KIF15: variants seen among roughly 807,000 people sequenced by gnomAD.
KIF15 encodes the protein kinesin family member 15.
KIF15 carries 140 observed loss-of-function variants against 190.6 expected under a neutral mutation model. The ratio of observed to expected loss-of-function variants is 0.73; its 90% CI spans 0.64 to 0.84. The LOEUF (loss-of-function observed/expected upper bound fraction) is 0.84, where lower values mean the gene tolerates loss of function less well. Ranked by LOEUF, KIF15 falls within the 40% of genes least tolerant of loss-of-function variation. The pLI is 0.00. For missense variants in KIF15, 1,372 were observed against 1,584.4 expected (o/e 0.87, Z 2.28); for synonymous variants, 528 against 551.3 (o/e 0.96, Z 0.59).
At chr3:44,831,461 C>T (rs1156578332) in intron 26 of KIF15, among the ~76,000 whole-genome samples, 1 of 152,108 alleles carries the variant, frequency 6.6e-6, no homozygotes, top group African/African-American at 2.4e-5. Flanking sequence ...TATAACTGAC[C>T]CCTGTAAGGG....
chr3:44,793,268 G>A (rs1706807149), intron 7 of KIF15, among the ~76,000 whole-genome samples: 1 of 152,132 alleles, frequency 6.6e-6, no homozygotes, highest in Admixed American at 6.5e-5. Flanking sequence ...TGATTCCAGA[G>A]CCTGCATTCT....
chr3:44,762,530 T>G (rs1427921985), intron 1 of KIF15, among the ~76,000 whole-genome samples: 1 of 152,218 alleles, frequency 6.6e-6, no homozygotes, highest in Non-Finnish European at 1.5e-5. Context: ...GTGTACGTGC[T>G]CCACTTCTCA....
chr3:44,839,555 C>T (rs1012593723), intron 27 of KIF15, among the ~76,000 whole-genome samples: 2 of 151,902 alleles, frequency 1.3e-5, no homozygotes, highest in African/African-American at 2.4e-5. Context: ...GGGAAGAAAC[C>T]GCAATTACTT....
At chr3:44,812,341 A>G (rs770503172) in intron 18 of KIF15, 52 bp downstream of exon 18, 7 of 1,270,626 alleles carry the variant, frequency 5.5e-6, no homozygotes, top group Non-Finnish European at 8.0e-6. Flanking sequence ...CTCAAATGTT[A>G]CCTTGAGGAA....
At chr3:44,851,072 G>T (rs182966511) in intron 32 of KIF15, among the ~76,000 whole-genome samples, 1 of 152,300 alleles carries the variant, frequency 6.6e-6, no homozygotes, top group African/African-American at 2.4e-5. Context: ...AGACCAGCCT[G>T]GGCAACATAG....
At chr3:44,835,795 GT>G in intron 26 of KIF15, among the ~76,000 whole-genome samples, 1 of 152,292 alleles carries the variant, frequency 6.6e-6, no homozygotes, top group East Asian at 1.9e-4. Context: ...GAAAGAGTCG[GT>G]TTAATCAATG....
At chr3:44,793,882 C>CTTT (rs557589917) in intron 7 of KIF15, among the ~76,000 whole-genome samples, 3 of 132,378 alleles carry the variant, frequency 2.3e-5, no homozygotes, top group Non-Finnish European at 3.3e-5. Flanking sequence ...TTCTCTTTTC[C>CTTT]TTTTTTTTTT....
At position 44,831,013 on chromosome 3, in the gene KIF15, A is replaced by G. The variant is rs1559577581; in HGVS notation, c.3166A>G (p.Ile1056Val). 2 of 1,613,918 alleles carry G rather than the reference A, an allele frequency of 1.2e-6. No homozygotes were observed. The highest frequency in any genetic ancestry group is 1.1e-5 in the South Asian group (1 of 91,026). The change falls in exon 26 of 35, where the codon ATA becomes GTA. Residue 1056 changes from isoleucine (I) to valine (V), a missense_variant. Transcript: ENST00000326047. ...TLRLRILSED[I>V]ERDMLCEDLA... is the part of the protein sequence containing the mutation. ...TAGGCTGAGAATACTTTCTGAGGAC[A>G]TAGAGGTAGGTATTAACGCATCACA...
intron 20 of KIF15, among the ~76,000 whole-genome samples, chr3:44,821,521 C>T (rs1387475904): frequency 6.0e-5 from 9 of 150,414 alleles, no homozygotes; most frequent in Admixed American, 1.3e-4. Flanking sequence ...ACATCTCAGA[C>T]GATGAGTGGC....
intron 6 of KIF15, chr3:44,862,131 G>T (rs1699261878): frequency 2.5e-5 from 30 of 1,195,850 alleles, no homozygotes; most frequent in Non-Finnish European, 3.1e-5. Flanking sequence ...AGCCCGGGGC[G>T]CTGTTGGTGC....
intron 26 of KIF15, among the ~76,000 whole-genome samples, chr3:44,832,301 G>A (rs891929936): frequency 9.9e-5 from 15 of 151,822 alleles, no homozygotes; most frequent in African/African-American, 3.2e-4. Context: ...GAAGTGTCTT[G>A]AGGAACGTCA....
intron 13 of KIF15, among the ~76,000 whole-genome samples, chr3:44,802,327 A>G (rs192109136): frequency 4.3e-4 from 66 of 152,358 alleles, no homozygotes; most frequent in African/African-American, 1.4e-3. Flanking sequence ...TAGGTCATAC[A>G]GGTACATTGT....
chr3:44,779,260 T>C (rs1320097532), intron 4 of KIF15, among the ~76,000 whole-genome samples: 2 of 152,144 alleles, frequency 1.3e-5, no homozygotes, highest in African/African-American at 4.8e-5. Context: ...TCATCTTGTG[T>C]TTTCCCTGAC....
chr3:44,813,426 G>T (rs1707885347), intron 19 of KIF15, among the ~76,000 whole-genome samples: 1 of 151,958 alleles, frequency 6.6e-6, no homozygotes, highest in Non-Finnish European at 1.5e-5. Context: ...TTTGTTGTTT[G>T]TTTGTTTTTG....
chr3:44,867,466 G>A lies in KIF15; in HGVS notation c.*60-5863G>A, dbSNP rs533894919. ...CACCCAGCCAAGGCCAGACCTGAAG[G>A]CTGCTGATAGCTGGTGGTCGGCCTC... On this transcript the variant is annotated intron_variant and NMD_transcript_variant, in intron 6 of 6. Transcript: ENST00000422209. Among the ~76,000 whole-genome samples the A allele has an allele frequency of 1.1e-4, 17 of 152,356 alleles. No homozygotes were observed. In the South Asian group the frequency reaches 3.5e-3, roughly 32 times the overall value.
chr3:44,778,191 A>G lies in KIF15; in HGVS notation c.323A>G (p.Tyr108Cys). 1.2e-6 allele frequency: 2 copies of G among 1,611,168 alleles called. No individual in the cohort carries two copies. The highest frequency in any genetic ancestry group is 8.5e-7 in the Non-Finnish European group (1 of 1,177,266). The change falls in exon 4 of 35, where the codon TAT (tyrosine) becomes TGT (cysteine). Residue 108 changes from tyrosine to cysteine, a missense_variant and splice_region_variant. By Grantham distance (194) the Tyr-to-Cys change is radical. Transcript: ENST00000326047. ...MSGYNGTIFA[Y>C]GQTGSGKTFT... ...GGTTATAATGGTACCATCTTTGCAT[A>G]GTAAGTTGTTGACTGTGTCCTTATA...
At chr3:44,780,184 C>G (rs1706102626) in intron 4 of KIF15, among the ~76,000 whole-genome samples, 1 of 150,934 alleles carries the variant, frequency 6.6e-6, no homozygotes, top group Admixed American at 6.6e-5. Context: ...AACTCCTGGG[C>G]TCAAGCCATC....
intron 6 of KIF15, among the ~76,000 whole-genome samples, chr3:44,865,980 G>A (rs1207215372): frequency 6.6e-6 from 1 of 151,996 alleles, no homozygotes; most frequent in Non-Finnish European, 1.5e-5. Flanking sequence ...CTGCCACTCT[G>A]TTCCTCTAGC....
intron 7 of KIF15, among the ~76,000 whole-genome samples, chr3:44,791,409 A>G (rs1022744240): frequency 3.3e-5 from 5 of 151,996 alleles, no homozygotes; most frequent in Non-Finnish European, 4.4e-5. Flanking sequence ...GTCCTCCAAC[A>G]CTGTTCTTTT....
Sources: gnomAD v4.1 joint callset for allele counts (sites outside exome capture counted in the v4.1 genomes callset) on GRCh38, gnomAD v4.1.1 for gene constraint, MANE v1.5 for transcripts, NCBI Gene and HGNC (gene_info 2026-07-23, HGNC 2026-07-21) for gene names.